The following CBY1 variants were observed in gnomAD, a reference collection of about 807,000 sequenced individuals.
The protein encoded by CBY1 is protein chibby homolog 1.
CBY1 carries 10 observed loss-of-function variants against 15.6 expected under a neutral mutation model. That is an observed-to-expected ratio of 0.64 (90% CI 0.40 to 1.09). CBY1 has a LOEUF of 1.09. CBY1 is among the 50% of genes least tolerant of loss of function. CBY1 has a pLI of 0.01. For synonymous variants in CBY1, 61 were observed against 63.5 expected (o/e 0.96, Z 0.19); for missense variants, 150 against 160.5 (o/e 0.93, Z 0.35).
intron 1 of CBY1, chr22:38,657,036 G>A: frequency 1.9e-6 from 1 of 539,756 alleles, no homozygotes; most frequent in Non-Finnish European, 2.4e-6. Context: ...AGCCCTGGGG[G>A]CCGTGCATCT....
At chr22:38,666,680 AG>A (rs2092437185) in intron 1 of CBY1, 1 of 147,770 alleles carries the variant, frequency 6.8e-6, no homozygotes, top group Non-Finnish European at 1.5e-5. Flanking sequence ...ATATAAGCAT[AG>A]CTTTACTCAT....
At chr22:38,664,250 T>C (rs2092430044) in intron 1 of CBY1, among the ~76,000 whole-genome samples, 1 of 151,720 alleles carries the variant, frequency 6.6e-6, no homozygotes, top group Admixed American at 6.6e-5. Context: ...GGCGGGCAGA[T>C]TGCTTGAGGT....
At chr22:38,664,470 CAAAAAA>C (rs35322853) in intron 1 of CBY1, among the ~76,000 whole-genome samples, 1 of 92,038 alleles carries the variant, frequency 1.1e-5, no homozygotes, top group Non-Finnish European at 2.3e-5. Context: ...GACTCCATCT[CAAAAAA>C]AAAAAAAAAA....
Position 38,673,315 on chromosome 22 carries a change from G to A in CBY1, c.*79G>A. ...GGCCAGACTAGCGGATTCAGTCCTG[G>A]AAGAGAGTATCATATAATGAGACCC... On this transcript the variant is annotated 3_prime_UTR_variant, in exon 5 of 5. Coordinates refer to ENST00000216029, the MANE Select transcript of CBY1 (RefSeq NM_015373.4). The A allele has an allele frequency of 1.1e-6, 1 of 893,794 alleles. No homozygotes were observed. The highest frequency in any genetic ancestry group is 1.3e-5 in the South Asian group (1 of 74,146). 55.4% of individuals were successfully genotyped at this position (893,794 alleles called of 1,614,324 possible).
chr22:38,661,491 G>A (rs1009343127), intron 1 of CBY1, among the ~76,000 whole-genome samples: 12 of 152,142 alleles, frequency 7.9e-5, no homozygotes, highest in African/African-American at 1.2e-4. Context: ...ATTCAAACAC[G>A]TAACTACCAG....
At chr22:38,657,375 G>T (rs887002026) in intron 1 of CBY1, among the ~76,000 whole-genome samples, 1 of 152,200 alleles carries the variant, frequency 6.6e-6, no homozygotes, top group Non-Finnish European at 1.5e-5. Context: ...AGTCCAAGGG[G>T]GATAAATGCT....
At chr22:38,665,677 A>G (rs1457192400) in intron 1 of CBY1, 4 of 1,206,720 alleles carry the variant, frequency 3.3e-6, no homozygotes, top group Admixed American at 4.2e-5. Context: ...GTGCATGTAC[A>G]GTGGCCAGGT....
At chr22:38,660,542 A>G (rs998372371) in intron 1 of CBY1, among the ~76,000 whole-genome samples, 4 of 152,052 alleles carry the variant, frequency 2.6e-5, no homozygotes, top group East Asian at 3.9e-4. Flanking sequence ...TAATACAAGG[A>G]TAAGTATATA....
intron 1 of CBY1, among the ~76,000 whole-genome samples, chr22:38,663,521 C>G (rs541708478): frequency 1.7e-4 from 26 of 151,046 alleles, no homozygotes; most frequent in African/African-American, 6.3e-4. Flanking sequence ...CATAGAGAAA[C>G]CCTGTCTCTA....
chr22:38,657,113 G>A, intron 1 of CBY1: 1 of 984,316 alleles, frequency 1.0e-6, no homozygotes, highest in African/African-American at 1.7e-5. Flanking sequence ...ATGAAAACCA[G>A]AGATTCCGCC....
At chr22:38,671,506 T>G in intron 4 of CBY1, 1 of 347,710 alleles carries the variant, frequency 2.9e-6, no homozygotes, top group South Asian at 2.9e-5. Flanking sequence ...TGTGGAAGGA[T>G]AATGGCAGGA....
At chr22:38,662,965 CA>C (rs905068994) in intron 1 of CBY1, among the ~76,000 whole-genome samples, 7 of 151,890 alleles carry the variant, frequency 4.6e-5, no homozygotes, top group Non-Finnish European at 7.4e-5. Flanking sequence ...GCTAAAAGTA[CA>C]AACATTAGTT....
intron 1 of CBY1, among the ~76,000 whole-genome samples, chr22:38,662,371 C>T (rs970145783): frequency 6.6e-6 from 1 of 151,646 alleles, no homozygotes; most frequent in African/African-American, 2.4e-5. Context: ...GAACACTAAC[C>T]CCTGTTTTAC....
chr22:38,665,549 A>T (rs1172731982), intron 1 of CBY1: 2 of 406,242 alleles, frequency 4.9e-6, no homozygotes, highest in Non-Finnish European at 8.6e-6. Flanking sequence ...ACAATAGAAT[A>T]TTATCCAGCA....
intron 1 of CBY1, among the ~76,000 whole-genome samples, chr22:38,666,218 G>GTT (rs2092435368): frequency 3.9e-5 from 5 of 129,152 alleles, no homozygotes; most frequent in South Asian, 2.6e-4. Flanking sequence ...CTGTATTAAT[G>GTT]TTATATATAT....
At chr22:38,663,041 A>T (rs990531447) in intron 1 of CBY1, among the ~76,000 whole-genome samples, 19 of 151,922 alleles carry the variant, frequency 1.3e-4, no homozygotes, top group African/African-American at 4.6e-4. Context: ...AATTGCTTGA[A>T]CCCAGGAAGC....
At chr22:38,664,834 G>A (rs976457107) in intron 1 of CBY1, among the ~76,000 whole-genome samples, 1 of 152,028 alleles carries the variant, frequency 6.6e-6, no homozygotes, top group Non-Finnish European at 1.5e-5. Context: ...CAAGTCTTAT[G>A]TTCTTAGCAG....
chr22:38,657,551 C>T (rs2092403923), intron 1 of CBY1, among the ~76,000 whole-genome samples: 1 of 152,220 alleles, frequency 6.6e-6, no homozygotes, highest in Non-Finnish European at 1.5e-5. Flanking sequence ...GCCCCAGAAT[C>T]CCAGGATCTC....
At chr22:38,663,328 GC>G (rs796831712) in intron 1 of CBY1, among the ~76,000 whole-genome samples, 9 of 152,010 alleles carry the variant, frequency 5.9e-5, no homozygotes, top group African/African-American at 2.2e-4. Context: ...GGTGGTGCGT[GC>G]CTATAGTCCT....
Sources: allele counts gnomAD v4.1 joint callset (sites outside exome capture counted in the v4.1 genomes callset), GRCh38; gene constraint gnomAD v4.1.1; transcripts MANE v1.5; gene names NCBI Gene and HGNC (gene_info 2026-07-23, HGNC 2026-07-21).